The following LHFPL2 variants were observed in gnomAD, a reference collection of about 807,000 sequenced individuals.
LHFPL2 encodes LHFPL tetraspan subfamily member 2.
In LHFPL2, 7 loss-of-function variants were observed where a neutral mutation model predicts 17.5. The observed-to-expected ratio is 0.40, with a 90% confidence interval of 0.23 to 0.75. The LOEUF (loss-of-function observed/expected upper bound fraction) is 0.75, where lower values mean the gene tolerates loss of function less well. Among genes scored for constraint, LHFPL2 ranks in the 30% least tolerant of loss-of-function variants. The probability of loss-of-function intolerance (pLI) is 0.37; values close to 1 mark genes in which losing one functional copy is unlikely to be tolerated. For missense variants in LHFPL2, 241 were observed against 294.8 expected (o/e 0.82, Z 1.34); for synonymous variants, 134 against 116.2 (o/e 1.15, Z -0.99).
At chr5:78,583,902 C>T (rs1270743313) in intron 2 of LHFPL2, among the ~76,000 whole-genome samples, 5 of 151,368 alleles carry the variant, frequency 3.3e-5, no homozygotes, top group African/African-American at 4.9e-5. Context: ...CCATTCTCCC[C>T]ATCACTTTCA....
chr5:78,525,555 G>C (rs1037749617), intron 3 of LHFPL2, among the ~76,000 whole-genome samples: 11 of 152,204 alleles, frequency 7.2e-5, no homozygotes, highest in Non-Finnish European at 1.2e-4. Context: ...AGGCTAGTGT[G>C]TTAGAAACAC....
intron 2 of LHFPL2, among the ~76,000 whole-genome samples, chr5:78,596,396 C>G (rs80056295): frequency 5.3e-5 from 8 of 152,146 alleles, no homozygotes; most frequent in Non-Finnish European, 7.3e-5. Context: ...CAGGCATGAA[C>G]GAATCAATGA....
At chr5:78,599,390 T>C (rs1186855419) in intron 2 of LHFPL2, among the ~76,000 whole-genome samples, 1 of 151,880 alleles carries the variant, frequency 6.6e-6, no homozygotes, top group Non-Finnish European at 1.5e-5. Flanking sequence ...ACCTCTGCCT[T>C]CCAAGTTCAA....
chr5:78,618,962 G>A (rs1744727476), intron 2 of LHFPL2, among the ~76,000 whole-genome samples: 1 of 152,158 alleles, frequency 6.6e-6, no homozygotes, highest in Non-Finnish European at 1.5e-5. Context: ...AATAGGCCAT[G>A]AGCCCCACTA....
At chr5:78,550,639 C>T (rs1266912666) in intron 3 of LHFPL2, among the ~76,000 whole-genome samples, 2 of 152,104 alleles carry the variant, frequency 1.3e-5, no homozygotes, top group East Asian at 1.9e-4. Context: ...GGCATGATCT[C>T]GGCTCACTGC....
chr5:78,534,606 T>C (rs1755888150), intron 3 of LHFPL2, among the ~76,000 whole-genome samples: 1 of 152,322 alleles, frequency 6.6e-6, no homozygotes, highest in East Asian at 1.9e-4. Context: ...ACTCCAGACG[T>C]AGGGCCCATC....
intron 3 of LHFPL2, among the ~76,000 whole-genome samples, chr5:78,530,435 G>A (rs1200842629): frequency 1.3e-5 from 2 of 152,222 alleles, no homozygotes; most frequent in Non-Finnish European, 2.9e-5. Context: ...GTCATCCCAA[G>A]AGATTTGTCT....
At chr5:78,498,177 C>A (rs1051458401) in intron 4 of LHFPL2, among the ~76,000 whole-genome samples, 2 of 152,158 alleles carry the variant, frequency 1.3e-5, no homozygotes, top group African/African-American at 4.8e-5. Context: ...TGCGAAGGTA[C>A]CAGCACTATG....
At chr5:78,504,404 T>C (rs1754871225) in intron 4 of LHFPL2, among the ~76,000 whole-genome samples, 1 of 152,156 alleles carries the variant, frequency 6.6e-6, no homozygotes, top group Admixed American at 6.5e-5. Flanking sequence ...CCTGTTCTGA[T>C]TTCTCTCCTC....
chr5:78,638,077 G>A (rs1017827834), intron 1 of LHFPL2, among the ~76,000 whole-genome samples: 41 of 152,310 alleles, frequency 2.7e-4, no homozygotes, highest in African/African-American at 8.7e-4. Context: ...AATAAGGGCC[G>A]GGCGTGGTGG....
chr5:78,566,899 C>G (rs1419030300), intron 2 of LHFPL2, among the ~76,000 whole-genome samples: 1 of 152,192 alleles, frequency 6.6e-6, no homozygotes, highest in Non-Finnish European at 1.5e-5. Flanking sequence ...AAATATGCCA[C>G]TAGGATTATT....
chr5:78,559,587 C>G (rs942882828), intron 3 of LHFPL2, among the ~76,000 whole-genome samples: 1 of 152,184 alleles, frequency 6.6e-6, no homozygotes, highest in Non-Finnish European at 1.5e-5. Flanking sequence ...ATTTTGTCTT[C>G]ACTGCATTTA....
intron 4 of LHFPL2, among the ~76,000 whole-genome samples, chr5:78,502,667 T>G (rs1336437738): frequency 6.6e-6 from 1 of 151,696 alleles, no homozygotes; most frequent in Non-Finnish European, 1.5e-5. Context: ...AACTGCAAAA[T>G]GTAATGTGTA....
At chr5:78,566,470 T>G (rs1756862706) in intron 2 of LHFPL2, among the ~76,000 whole-genome samples, 1 of 99,838 alleles carries the variant, frequency 1.0e-5, no homozygotes, top group African/African-American at 2.9e-5. Context: ...AAACTAAGAC[T>G]TTTTTTTTTT....
rs538645792 is a variant in LHFPL2 at position 78,487,968 on chromosome 5, C to G, written c.*929G>C. The G allele has an allele frequency of 6.6e-6, 1 of 152,264 alleles. No individual in the cohort carries two copies. Among genetic ancestry groups the G allele is most frequent in the East Asian group, 1.9e-4 (1 of 5,182 alleles). The allele number at this position is 152,264 out of a possible 1,614,324, so 9.4% of individuals were successfully genotyped here. A position where few individuals can be genotyped will look rare whatever the true frequency, so the allele number is the denominator to read the frequency against. ...CAAACTGGGAGTAAAGGTCTCCCCC[C>G]AAGTGCCGAGATTCTGGCAGGTCCT... On this transcript the variant is annotated 3_prime_UTR_variant, in exon 5 of 5. Coordinates refer to ENST00000380345, the MANE Select transcript of LHFPL2 (RefSeq NM_005779.3).
At chr5:78,574,441 C>T (rs1237844242) in intron 2 of LHFPL2, among the ~76,000 whole-genome samples, 1 of 152,226 alleles carries the variant, frequency 6.6e-6, no homozygotes, top group African/African-American at 2.4e-5. Context: ...CCAGAGGGCC[C>T]AGCTCAGCTA....
At chr5:78,535,229 T>G (rs554689168) in intron 3 of LHFPL2, among the ~76,000 whole-genome samples, 3 of 152,176 alleles carry the variant, frequency 2.0e-5, no homozygotes, top group Admixed American at 2.0e-4. Flanking sequence ...GCACGGACAG[T>G]CCTGAACTGG....
chr5:78,619,783 A>G (rs1414142458), intron 2 of LHFPL2, among the ~76,000 whole-genome samples: 7 of 125,976 alleles, frequency 5.6e-5, no homozygotes, highest in African/African-American at 1.8e-4. Flanking sequence ...GCAATAGTTT[A>G]CTGAGAATGA....
chr5:78,570,207 C>T (rs1336772016), intron 2 of LHFPL2, among the ~76,000 whole-genome samples: 1 of 152,104 alleles, frequency 6.6e-6, no homozygotes, highest in East Asian at 1.9e-4. Context: ...ACTGAATAAA[C>T]AAAAGGATCA....
Sources: allele counts gnomAD v4.1 joint callset (sites outside exome capture counted in the v4.1 genomes callset), GRCh38; gene constraint gnomAD v4.1.1; transcripts MANE v1.5; gene names NCBI Gene and HGNC (gene_info 2026-07-23, HGNC 2026-07-21).